TAF1L: variants seen among roughly 807,000 people sequenced by gnomAD.
The protein encoded by TAF1L is TATA-box binding protein associated factor 1 like, also known as transcription initiation factor TFIID subunit 1-like.
In TAF1L, 30 loss-of-function variants were observed where a neutral mutation model predicts 128.8. The observed-to-expected ratio is 0.23, with a 90% CI of 0.17 to 0.32. TAF1L has a LOEUF of 0.32. Ranked by LOEUF, TAF1L falls within the 10% of genes least tolerant of loss-of-function variation. The pLI is 1.00. For missense variants in TAF1L, 2,099 were observed against 2,253.7 expected (o/e 0.93, Z 1.39); for synonymous variants, 764 against 790.7 (o/e 0.97, Z 0.57).
chr9:32,634,997 A>G lies in TAF1L; in HGVS notation c.583T>C (p.Leu195=), dbSNP rs1393428659. 1.5e-5 allele frequency: 25 copies of G among 1,613,960 alleles called. No homozygotes were observed. The highest frequency in any genetic ancestry group is 2.1e-5 in the Non-Finnish European group (25 of 1,180,020). The part of the protein sequence containing the change: ...ILPSIIAPSF[L]ASEKVDFSSY... ...CTGAAATCCACTTTCTCTGAGGCCA[A>G]AAAGGAAGGGGCAATGATGGAGGGC... The change falls in exon 1 of 1, where the codon TTG becomes CTG. Residue 195 remains leucine (L), a synonymous_variant. Transcript: ENST00000242310.
chr9:32,635,454 G>C lies in TAF1L; in HGVS notation c.126C>G (p.Phe42Leu). The C allele has an allele frequency of 6.2e-7, 1 of 1,614,132 alleles. No homozygotes were observed. The highest frequency in any genetic ancestry group is 8.5e-7 in the Non-Finnish European group (1 of 1,180,016). ...GCTGCCCCGCTCCACTGATGTTGCCGAAAAGGATACCCGCTAAAGTAAATG... is the reference window on the plus strand; with the variant it reads ...GCTGCCCCGCTCCACTGATGTTGCCCAAAAGGATACCCGCTAAAGTAAATG... ...GGPFTLAGIL[F>L]GNISGAGQLE... The change falls in exon 1 of 1, where the codon TTC becomes TTG. Residue 42 changes from phenylalanine (F) to leucine (L), a missense_variant. Transcript: ENST00000242310.
chr9:32,634,724 G>A lies in TAF1L; in HGVS notation c.856C>T (p.Arg286Cys), dbSNP rs1284314192. 9 of 1,614,020 alleles carry A rather than the reference G, an allele frequency of 5.6e-6. No individual in the cohort carries two copies. The African/African-American group carries it at 6.7e-5, about 12-fold the overall frequency. The change falls in exon 1 of 1, where the codon CGT (arginine) becomes TGT (cysteine). Residue 286 changes from arginine (R) to cysteine (C), a missense_variant. Arg to Cys is a radical substitution (Grantham distance 180). Coordinates refer to ENST00000242310, the MANE Select transcript of TAF1L (RefSeq NM_153809.2). ...RSARRKRKKH[R>C]ELIQEEQIQE... ...ATCTGCTCTTCCTGTATCAGCTCACGATGCTTCTTCCTCTTTCTCCGAGCA... is the reference window on the plus strand; with the variant it reads ...ATCTGCTCTTCCTGTATCAGCTCACAATGCTTCTTCCTCTTTCTCCGAGCA...
In TAF1L at chr9:32,631,542, T is replaced by C. The variant is rs766135849; in HGVS notation, c.4038A>G (p.Lys1346=). 1.4e-5 allele frequency: 23 copies of C among 1,614,236 alleles called. No individual in the cohort carries two copies. The Admixed American group carries it at 3.8e-4, about 27-fold the overall frequency. The change falls in exon 1 of 1, where the codon AAA becomes AAG. Residue 1346 remains lysine, a synonymous_variant. Coordinates refer to ENST00000242310, the MANE Select transcript of TAF1L (RefSeq NM_153809.2). The surrounding 1 kb of genome is among the most constrained non-coding windows in gnomAD (Gnocchi z 4.1). ...CCTCATGCACATTCTCAATTAGCTGTTTCCCGAAGACAATTTTGGTCCCTT... is the reference window on the plus strand; with the variant it reads ...CCTCATGCACATTCTCAATTAGCTGCTTCCCGAAGACAATTTTGGTCCCTT... ...KVEGTKIVFG[K]QLIENVHEVR...
chr9:32,632,263 G>A lies in TAF1L; in HGVS notation c.3317C>T (p.Thr1106Ile). 6.2e-7 allele frequency: 1 copy of A among 1,614,186 alleles called. No individual in the cohort carries two copies. The change falls in exon 1 of 1, where the codon ACA becomes ATA. Residue 1106 changes from threonine to isoleucine, a missense_variant. Physicochemically the swap from Thr to Ile is moderately conservative, Grantham distance 89. This residue lies in a region of TAF1L where 1,213 missense variants were observed against 1,391.4 expected (regional missense o/e 0.87). Transcript: ENST00000242310. This position sits in a 1 kb window ranked among gnomAD's most constrained non-coding sequence, Gnocchi z 4.4. ...ACTATCTTCAGCTGAGATGCTGTCT[G>A]TGTCAGTTGATAAGACCTCAGTTGA... ...LSSTEVLSTD[T>I]DSISAEDSDF...
In TAF1L at chr9:32,630,159, G is replaced by C; in HGVS notation, c.5421C>G (p.Pro1807=). 1 of 1,614,184 alleles carries C rather than the reference G, an allele frequency of 6.2e-7. No homozygotes were observed. The highest frequency in any genetic ancestry group is 8.5e-7 in the Non-Finnish European group (1 of 1,180,036). ...CATGCTGAAGCATGAAGGGTTGTTTGGGTCTTATTCCACCATATCCCACAT... is the reference window on the plus strand; with the variant it reads ...CATGCTGAAGCATGAAGGGTTGTTTCGGTCTTATTCCACCATATCCCACAT... The part of the protein sequence containing the change: ...DSDVGYGGIR[P]KQPFMLQHAS... Residue 1807 remains proline, a synonymous_variant, in exon 1 of 1, where the codon CCC becomes CCG. Transcript: ENST00000242310.
At position 32,631,977 on chromosome 9, in the gene TAF1L, A is replaced by G; in HGVS notation, c.3603T>C (p.Cys1201=). 1.9e-6 allele frequency: 3 copies of G among 1,614,172 alleles called. No homozygotes were observed. Among genetic ancestry groups the G allele is most frequent in the Non-Finnish European group, 2.5e-6 (3 of 1,180,026 alleles). ...TGACAGCTGGTTTTCGGACTGTCTCACAGCGAACATACTCTTTCCCCTCTT... is the reference window on the plus strand; with the variant it reads ...TGACAGCTGGTTTTCGGACTGTCTCGCAGCGAACATACTCTTTCCCCTCTT... ...RDEEGKEYVR[C]ETVRKPAVID... The change falls in exon 1 of 1, where the codon TGT becomes TGC. Residue 1201 remains cysteine, a synonymous_variant. Transcript: ENST00000242310. This position sits in a 1 kb window ranked among gnomAD's most constrained non-coding sequence, Gnocchi z 4.1.
rs1202305040 is a variant in TAF1L at position 32,631,887 on chromosome 9, A to G, written c.3693T>C (p.Phe1231=). 4 of 1,614,174 alleles carry G rather than the reference A, an allele frequency of 2.5e-6. No homozygotes were observed. Among genetic ancestry groups the G allele is most frequent in the East Asian group, 2.2e-5 (1 of 44,880 alleles). ...GCATCTCTTCCCGATGTTTTTCATC[A>G]AAAAGGGCAAATTTTTGAATGAATT... ...DEKFIQKFAL[F]DEKHREEMRK... The change falls in exon 1 of 1, where the codon TTT becomes TTC. Residue 1231 remains phenylalanine (F), a synonymous_variant. Coordinates refer to ENST00000242310, the MANE Select transcript of TAF1L (RefSeq NM_153809.2). This position sits in a 1 kb window ranked among gnomAD's most constrained non-coding sequence, Gnocchi z 4.1.
rs568577737 is a variant in TAF1L at position 32,631,546 on chromosome 9, C to A, written c.4034G>T (p.Gly1345Val). The A allele has an allele frequency of 6.2e-7, 1 of 1,614,134 alleles. No homozygotes were observed. ...ATGCACATTCTCAATTAGCTGTTTC[C>A]CGAAGACAATTTTGGTCCCTTCAAC... ...IKVEGTKIVF[G>V]KQLIENVHEV... The change falls in exon 1 of 1, where the codon GGG becomes GTG. Residue 1345 changes from glycine to valine, a missense_variant. Gly to Val is a moderately radical substitution (Grantham distance 109). Coordinates refer to ENST00000242310, the MANE Select transcript of TAF1L (RefSeq NM_153809.2). This position sits in a 1 kb window ranked among gnomAD's most constrained non-coding sequence, Gnocchi z 4.1.
chr9:32,635,494 G>A lies in TAF1L; in HGVS notation c.86C>T (p.Ser29Leu). ...TAAAGTAAATGGGCCACCTCCAGAT[G>A]AATCTTCCTCGCTGTCCGAGTCTGA... Reference protein sequence around the residue: ...IMSDSDSEEDSSGGGPFTLAG... With the variant: ...IMSDSDSEEDLSGGGPFTLAG... Residue 29 changes from serine (S) to leucine (L), a missense_variant, in exon 1 of 1, where the codon TCA becomes TTA. Ser to Leu is a moderately radical substitution (Grantham distance 145). Around this residue, in one of 4 missense-constraint regions of TAF1L, gnomAD observed 473 missense variants for 429.6 expected, o/e 1.10. Transcript: ENST00000242310. The A allele has an allele frequency of 6.2e-7, 1 of 1,614,142 alleles. No homozygotes were observed.
rs1230560261 is a variant in TAF1L, at chr9:32,635,620, T to C, written c.-41A>G. The C allele has an allele frequency of 1.1e-5, 17 of 1,550,466 alleles. No individual in the cohort carries two copies. The highest frequency in any genetic ancestry group is 1.3e-5 in the Non-Finnish European group (15 of 1,147,174). ...CAACAGTCGCCCGGAAGTGATCTAC[T>C]TAGCTCCCTTACCCTACCAGCGTCT... is the stretch of plus-strand genomic sequence containing the variant. On this transcript the variant is annotated 5_prime_UTR_variant, in exon 1 of 1. Coordinates refer to ENST00000242310, the MANE Select transcript of TAF1L (RefSeq NM_153809.2).
rs1039723762 is a variant in TAF1L at position 32,635,062 on chromosome 9, G to A, written c.518C>T (p.Ala173Val). 3 of 1,614,176 alleles carry A rather than the reference G, an allele frequency of 1.9e-6. No homozygotes were observed. In the South Asian group the frequency reaches 3.3e-5, roughly 18 times the overall value. The change falls in exon 1 of 1, where the codon GCT becomes GTT. Residue 173 changes from alanine to valine, a missense_variant. By Grantham distance (64) the Ala-to-Val change is moderately conservative. This residue lies in a region of TAF1L where 473 missense variants were observed against 429.6 expected (regional missense o/e 1.10). Transcript: ENST00000242310. The part of the protein sequence containing the change: ...GPMKKDKDQD[A>V]ITCVSESGED... The stretch of plus-strand genomic sequence containing the variant: ...TCCACTTTCAGACACACAGGTAATA[G>A]CATCTTGGTCCTTATCCTTCTTCAT...
chr9:32,632,614 T>C lies in TAF1L; in HGVS notation c.2966A>G (p.Asn989Ser). ...GEGFSYVKIP[N>S]KPTQQKDDKE... ...ATCATCCTTCTGCTGTGTTGGTTTA[T>C]TTGGAATCTTCACATAGGAGAATCC... Residue 989 changes from asparagine to serine, a missense_variant, in exon 1 of 1, where the codon AAT (asparagine) becomes AGT (serine). Around this residue, in one of 4 missense-constraint regions of TAF1L, gnomAD observed 1,213 missense variants for 1,391.4 expected, o/e 0.87. Transcript: ENST00000242310. This position sits in a 1 kb window ranked among gnomAD's most constrained non-coding sequence, Gnocchi z 4.4. The C allele has an allele frequency of 1.2e-6, 2 of 1,614,232 alleles. No individual in the cohort carries two copies. The highest frequency in any genetic ancestry group is 1.7e-6 in the Non-Finnish European group (2 of 1,180,038).
At position 32,633,357 on chromosome 9, in the gene TAF1L, A is replaced by G. The variant is rs371818870; in HGVS notation, c.2223T>C (p.Thr741=). ...PGAPDCKYGE[T]VYCHTSPFLG... ...AGAAAGGAGATGTATGGCAGTAAAC[A>G]GTTTCCCCATATTTACAATCTGGTG... The change falls in exon 1 of 1, where the codon ACT becomes ACC. Residue 741 remains threonine (T), a synonymous_variant. Transcript: ENST00000242310. 2 of 1,614,242 alleles carry G rather than the reference A, an allele frequency of 1.2e-6. No homozygotes were observed. The highest frequency in any genetic ancestry group is 1.3e-5 in the African/African-American group (1 of 75,062).
chr9:32,631,247 C>A lies in TAF1L; in HGVS notation c.4333G>T (p.Asp1445Tyr). ...DYYKIITRPMDLQTLRENVRK... is the reference protein window; with the variant it reads ...DYYKIITRPMYLQTLRENVRK... ...ACATTTTCACGGAGTGTTTGTAGGT[C>A]CATTGGCCGAGTGATGATTTTGTAG... Residue 1445 changes from aspartate to tyrosine, a missense_variant, in exon 1 of 1, where the codon GAC becomes TAC. By Grantham distance (160) the Asp-to-Tyr change is radical. Coordinates refer to ENST00000242310, the MANE Select transcript of TAF1L (RefSeq NM_153809.2). This position sits in a 1 kb window ranked among gnomAD's most constrained non-coding sequence, Gnocchi z 4.1. The A allele has an allele frequency of 1.2e-6, 2 of 1,614,026 alleles. No individual in the cohort carries two copies. The highest frequency in any genetic ancestry group is 1.7e-6 in the Non-Finnish European group (2 of 1,180,020).
chr9:32,634,179 G>A lies in TAF1L; in HGVS notation c.1401C>T (p.Tyr467=), dbSNP rs1822553363. 3.7e-6 allele frequency: 6 copies of A among 1,614,144 alleles called. No homozygotes were observed. The highest frequency in any genetic ancestry group is 4.2e-6 in the Non-Finnish European group (5 of 1,180,038). The change falls in exon 1 of 1, where the codon TAC becomes TAT. Residue 467 remains tyrosine, a synonymous_variant. Transcript: ENST00000242310. ...TGGGTGCAAAACCTTGCTGAACATT[G>A]TAAGCCATTACATTCCTAGTCTTAA... ...PSIKTRNVMA[Y]NVQQGFAPTL...
chr9:32,630,336 C>T lies in TAF1L; in HGVS notation c.5244G>A (p.Glu1748=). Residue 1748 remains glutamate (E), a synonymous_variant, in exon 1 of 1, where the codon GAG becomes GAA. Coordinates refer to ENST00000242310, the MANE Select transcript of TAF1L (RefSeq NM_153809.2). The part of the protein sequence containing the change: ...EGGDGDLADE[E]EGTVQQPEAS... ...CTTCAGGTTGTTGTACAGTTCCTTC[C>T]TCTTCATCTGCAAGATCACCATCTC... The T allele has an allele frequency of 6.2e-7, 1 of 1,614,210 alleles. No homozygotes were observed. Among genetic ancestry groups the T allele is most frequent in the East Asian group, 2.2e-5 (1 of 44,880 alleles).
In TAF1L at chr9:32,632,134, C is replaced by A; in HGVS notation, c.3446G>T (p.Arg1149Leu). The A allele has an allele frequency of 1.9e-6, 3 of 1,614,132 alleles. No homozygotes were observed. The highest frequency in any genetic ancestry group is 2.5e-6 in the Non-Finnish European group (3 of 1,180,028). Residue 1149 changes from arginine to leucine, a missense_variant, in exon 1 of 1, where the codon CGG becomes CTG. Physicochemically the swap from Arg to Leu is moderately radical, Grantham distance 102. Transcript: ENST00000242310. The surrounding 1 kb of genome is among the most constrained non-coding windows in gnomAD (Gnocchi z 4.4). ...EWEEQERKELRRMLLVAGSAA... is the reference protein window; with the variant it reads ...EWEEQERKELLRMLLVAGSAA... Reference sequence around the variant, plus strand: ...TGAGCCTGCTACCAGTAGCATTCGCCGTAGTTCCTTCCGCTCCTGCTCCTC... The same window carrying A: ...TGAGCCTGCTACCAGTAGCATTCGCAGTAGTTCCTTCCGCTCCTGCTCCTC...
Position 32,635,046 on chromosome 9 carries a change from A to T in TAF1L, c.534T>A (p.Ser178=), listed in dbSNP as rs1248122989. ...GCAAGATGATGTCTTCTCCACTTTC[A>T]GACACACAGGTAATAGCATCTTGGT... ...DKDQDAITCV[S]ESGEDIILPS... Residue 178 remains serine, a synonymous_variant, in exon 1 of 1, where the codon TCT becomes TCA. Coordinates refer to ENST00000242310, the MANE Select transcript of TAF1L (RefSeq NM_153809.2). The T allele has an allele frequency of 6.2e-7, 1 of 1,614,012 alleles. No individual in the cohort carries two copies. The highest frequency in any genetic ancestry group is 8.5e-7 in the Non-Finnish European group (1 of 1,180,030).
rs770945535 is a variant in TAF1L at position 32,635,539 on chromosome 9, G to C, written c.41C>G (p.Thr14Ser). Residue 14 changes from threonine to serine, a missense_variant, in exon 1 of 1, where the codon ACC (threonine) becomes AGC (serine). Thr to Ser is a moderately conservative substitution (Grantham distance 58). This residue lies in a region of TAF1L where 473 missense variants were observed against 429.6 expected (regional missense o/e 1.10). Transcript: ENST00000242310. ...GTCTGACATGATGGCGGCAGTGACG[G>C]TAGCTGCTGCCCTCAGCAGCAAATC... ...GCDLLLRAAA[T>S]VTAAIMSDSD... 2 of 1,613,986 alleles carry C rather than the reference G, an allele frequency of 1.2e-6. No homozygotes were observed. The highest frequency in any genetic ancestry group is 1.1e-5 in the South Asian group (1 of 91,082).
Sources: allele counts gnomAD v4.1 joint callset, GRCh38; gene constraint gnomAD v4.1.1; regional missense constraint gnomAD v4.1.1; non-coding constraint Gnocchi (gnomAD v3.1); transcripts MANE v1.5; gene names NCBI Gene and HGNC (gene_info 2026-07-23, HGNC 2026-07-21).